GTF2E2: variants seen among roughly 807,000 people sequenced by gnomAD.
GTF2E2 encodes general transcription factor IIE subunit 2.
In GTF2E2, 21 loss-of-function variants were observed where a neutral mutation model predicts 40.5. The observed-to-expected ratio is 0.52, with a 90% CI of 0.37 to 0.75. GTF2E2 has a LOEUF of 0.75. Among genes scored for constraint, GTF2E2 ranks in the 30% least tolerant of loss-of-function variants. The pLI is 0.00. For missense variants in GTF2E2, 298 were observed against 338.4 expected (o/e 0.88, Z 0.94); for synonymous variants, 117 against 121.6 (o/e 0.96, Z 0.25).
chr8:30,592,224 CA>C (rs2151112846), intron 6 of GTF2E2, among the ~76,000 whole-genome samples: 1 of 152,150 alleles, frequency 6.6e-6, no homozygotes, highest in Admixed American at 6.5e-5. Context: ...CAAAAAAATA[CA>C]AACATTAGCC....
intron 6 of GTF2E2, among the ~76,000 whole-genome samples, chr8:30,595,013 G>A (rs1828959936): frequency 6.6e-6 from 1 of 152,116 alleles, no homozygotes; most frequent in African/African-American, 2.4e-5. Flanking sequence ...TCTGCTCCTT[G>A]TGTTTTCCTT....
At position 30,614,854 on chromosome 8, in the gene GTF2E2, T is replaced by C. The variant is rs113332331; in HGVS notation, c.259-139A>G. ...GCATAATTATAGTGACGAAGAGCCA[T>C]AGACCATGAAATCAGAATGGGGTTG... On this transcript the variant is annotated intron_variant, in intron 3 of 7. Coordinates refer to ENST00000355904, the MANE Select transcript of GTF2E2 (RefSeq NM_002095.6). 217 of 577,548 alleles carry C rather than the reference T, an allele frequency of 3.8e-4. 2 individuals carry two copies. The East Asian group carries it at 5.7e-3, about 15-fold the overall frequency. 35.8% of individuals were successfully genotyped at this position (577,548 alleles called of 1,614,324 possible). A position where few individuals can be genotyped will look rare whatever the true frequency, so the allele number is the denominator to read the frequency against.
chr8:30,634,436 A>G (rs961055201), intron 3 of GTF2E2, among the ~76,000 whole-genome samples: 2 of 152,108 alleles, frequency 1.3e-5, no homozygotes, highest in African/African-American at 4.8e-5. Flanking sequence ...TAACGGAGCA[A>G]GACTGTCTCA....
At chr8:30,607,020 A>G (rs764288688) in intron 6 of GTF2E2, 37 bp downstream of exon 6, 1 of 746,900 alleles carries the variant, frequency 1.3e-6, no homozygotes, top group Non-Finnish European at 2.3e-6. Context: ...AAATTGTAAT[A>G]TACTTGCAAA....
At chr8:30,600,541 T>C (rs1829147762) in intron 6 of GTF2E2, among the ~76,000 whole-genome samples, 2 of 152,268 alleles carry the variant, frequency 1.3e-5, no homozygotes, top group Middle Eastern at 3.4e-3. Context: ...CCTAGGCTAG[T>C]AAGGGACTGA....
At chr8:30,632,220 TA>T (rs1801457017) in intron 3 of GTF2E2, among the ~76,000 whole-genome samples, 1 of 152,260 alleles carries the variant, frequency 6.6e-6, no homozygotes, top group Non-Finnish European at 1.5e-5. Context: ...CAGAAATGTT[TA>T]AATTATTACA....
chr8:30,639,160 T>C (rs1291777943), intron 2 of GTF2E2, among the ~76,000 whole-genome samples: 1 of 152,206 alleles, frequency 6.6e-6, no homozygotes, highest in Non-Finnish European at 1.5e-5. Flanking sequence ...TATTTTGCTT[T>C]GAATGTAGAT....
intron 2 of GTF2E2, among the ~76,000 whole-genome samples, chr8:30,648,811 A>T (rs1241660326): frequency 1.3e-5 from 2 of 152,234 alleles, no homozygotes; most frequent in African/African-American, 2.4e-5. Context: ...AGGAGAAACA[A>T]GCTTCTGTTG....
intron 2 of GTF2E2, among the ~76,000 whole-genome samples, chr8:30,638,843 T>C (rs1199407381): frequency 6.6e-6 from 1 of 152,228 alleles, no homozygotes. Context: ...CCTTACCATC[T>C]GTGCCTTAAT....
intron 3 of GTF2E2, among the ~76,000 whole-genome samples, chr8:30,634,754 C>T (rs185421070): frequency 1.1e-4 from 16 of 152,164 alleles, no homozygotes; most frequent in Non-Finnish European, 4.4e-5. Context: ...GGTGATATAC[C>T]TACTGCCTAG....
At chr8:30,625,294 G>A (rs1049851146) in intron 3 of GTF2E2, among the ~76,000 whole-genome samples, 3 of 151,948 alleles carry the variant, frequency 2.0e-5, no homozygotes, top group Non-Finnish European at 4.4e-5. Flanking sequence ...CTTTGGTTCT[G>A]TTTATATGCT....
At chr8:30,599,056 C>G (rs1246053510) in intron 6 of GTF2E2, among the ~76,000 whole-genome samples, 1 of 152,076 alleles carries the variant, frequency 6.6e-6, no homozygotes, top group Non-Finnish European at 1.5e-5. Flanking sequence ...TTGGCAAAGT[C>G]AACTAAAAAC....
At chr8:30,607,272 T>C in intron 5 of GTF2E2, 122 bp from the exon 6 acceptor site, 2 of 461,334 alleles carry the variant, frequency 4.3e-6, no homozygotes, top group Non-Finnish European at 7.8e-6. Flanking sequence ...CACCATAGGG[T>C]CCTCCACCAT....
At chr8:30,626,497 GAAGT>G (rs1301093836) in intron 3 of GTF2E2, among the ~76,000 whole-genome samples, 2 of 152,102 alleles carry the variant, frequency 1.3e-5, no homozygotes, top group African/African-American at 4.8e-5. Flanking sequence ...AAAGAAAAAA[GAAGT>G]AAAATGTATT....
chr8:30,647,402 G>A (rs1185881750), intron 2 of GTF2E2, among the ~76,000 whole-genome samples: 1 of 152,144 alleles, frequency 6.6e-6, no homozygotes, highest in South Asian at 2.1e-4. Flanking sequence ...TTGACATGGT[G>A]AAACCCCATC....
At chr8:30,646,440 T>TACAA (rs1802079235) in intron 2 of GTF2E2, among the ~76,000 whole-genome samples, 4 of 151,794 alleles carry the variant, frequency 2.6e-5, no homozygotes, top group South Asian at 2.1e-4. Context: ...TTCCAAGGGC[T>TACAA]ATATAGATAT....
chr8:30,597,778 C>A (rs1829055309), intron 6 of GTF2E2, among the ~76,000 whole-genome samples: 1 of 152,228 alleles, frequency 6.6e-6, no homozygotes, highest in Non-Finnish European at 1.5e-5. Flanking sequence ...CCCCAACTAT[C>A]TGCTTTTCAG....
intron 4 of GTF2E2, among the ~76,000 whole-genome samples, chr8:30,613,602 C>A (rs1167923689): frequency 6.6e-6 from 1 of 152,138 alleles, no homozygotes; most frequent in African/African-American, 2.4e-5. Flanking sequence ...GTTAGCTAAA[C>A]CAGCAAATTT....
intron 2 of GTF2E2, among the ~76,000 whole-genome samples, chr8:30,640,950 C>T (rs925975781): frequency 4.6e-5 from 7 of 152,210 alleles, no homozygotes; most frequent in Admixed American, 2.6e-4. Flanking sequence ...GGTGATCTGC[C>T]TGCCTCAGCC....
Sources: allele counts gnomAD v4.1 joint callset (sites outside exome capture counted in the v4.1 genomes callset), GRCh38; gene constraint gnomAD v4.1.1; transcripts MANE v1.5; gene names NCBI Gene and HGNC (gene_info 2026-07-23, HGNC 2026-07-21).